ITGAX: variants seen among roughly 807,000 people sequenced by gnomAD.
The protein encoded by ITGAX is integrin subunit alpha X, also known as integrin alpha-X.
A neutral mutation model predicts 140.2 loss-of-function variants in ITGAX; 99 were observed. The ratio of observed to expected loss-of-function variants is 0.71; its 90% CI spans 0.60 to 0.83. The LOEUF is 0.83. Ranked by LOEUF, ITGAX falls within the 40% of genes least tolerant of loss-of-function variation. The probability of loss-of-function intolerance (pLI) is 0.00; values close to 1 mark genes in which losing one functional copy is unlikely to be tolerated. For synonymous variants in ITGAX, 631 were observed against 600.4 expected (o/e 1.05, Z -0.75); for missense variants, 1,444 against 1,482.0 (o/e 0.97, Z 0.42).
Position 31,356,734 on chromosome 16 carries a change from T to A in ITGAX, c.247+6T>A. 6.4e-7 allele frequency: 1 copy of A among 1,567,950 alleles called. No homozygotes were observed. The highest frequency in any genetic ancestry group is 2.3e-5 in the East Asian group (1 of 43,544). On this transcript the variant is annotated splice_donor_region_variant and intron_variant, in intron 3 of 29. Transcript: ENST00000268296. ...TGAGCCCATCGGCCTGCAGGGTGAG[T>A]CACCGCCCCTCCCGGGACCCAGGGC...
chr16:31,380,097 A>C, intron 26 of ITGAX, 32 bp downstream of exon 26: 1 of 1,594,728 alleles, frequency 6.3e-7, no homozygotes, highest in South Asian at 1.1e-5. Context: ...CCCTCACTGT[A>C]GGCCCCACAT....
Position 31,363,068 on chromosome 16 carries a change from C to T in ITGAX, c.1493C>T (p.Pro498Leu). Residue 498 changes from proline (P) to leucine (L), a missense_variant, in exon 13 of 30, where the codon CCC becomes CTC. Pro to Leu is a moderately conservative substitution (Grantham distance 98, BLOSUM62 -3). Coordinates refer to ENST00000268296, the MANE Select transcript of ITGAX (RefSeq NM_000887.5). Reference sequence around the variant, plus strand: ...GGCCAGGTGTCTGTGTGTCCCTTGCCCAGGGGGGTGAGTGGCTGATGGGCC... The same window carrying T: ...GGCCAGGTGTCTGTGTGTCCCTTGCTCAGGGGGGTGAGTGGCTGATGGGCC... ...RGGQVSVCPL[P>L]RGWRRWWCDA... 6.2e-7 allele frequency: 1 copy of T among 1,608,884 alleles called. No homozygotes were observed.
Position 31,382,020 on chromosome 16 carries a change from G to A in ITGAX, c.*113G>A. Reference sequence around the variant, plus strand: ...TGCACCACCGAGAGAGGCTGGGATGGGCCTGCTTCCTGTCTTTGGGAGAAA... The same window carrying A: ...TGCACCACCGAGAGAGGCTGGGATGAGCCTGCTTCCTGTCTTTGGGAGAAA... On this transcript the variant is annotated 3_prime_UTR_variant, in exon 30 of 30. Coordinates refer to ENST00000268296, the MANE Select transcript of ITGAX (RefSeq NM_000887.5). The A allele has an allele frequency of 2.0e-6, 3 of 1,467,256 alleles. No individual in the cohort carries two copies. The highest frequency in any genetic ancestry group is 1.8e-6 in the Non-Finnish European group (2 of 1,113,542). 90.9% of individuals were successfully genotyped at this position (1,467,256 alleles called of 1,614,324 possible).
At chr16:31,380,402 C>G (rs764134736) in intron 27 of ITGAX, 23 bp downstream of exon 27, 6 of 1,612,084 alleles carry the variant, frequency 3.7e-6, no homozygotes, top group Non-Finnish European at 5.1e-6. Flanking sequence ...AACGACAGAG[C>G]CCCTGCCCCA....
rs369310242 is a variant in ITGAX at position 31,363,083 on chromosome 16, G to T, written c.1500+8G>T. ...TGTCCCTTGCCCAGGGGGGTGAGTG[G>T]CTGATGGGCCTGGGGTGGGTGGGGT... is the stretch of plus-strand genomic sequence containing the variant. On this transcript the variant is annotated splice_region_variant and intron_variant, in intron 13 of 29. Coordinates refer to ENST00000268296, the MANE Select transcript of ITGAX (RefSeq NM_000887.5). 1 of 1,606,804 alleles carries T rather than the reference G, an allele frequency of 6.2e-7. No homozygotes were observed. Among genetic ancestry groups the T allele is most frequent in the Non-Finnish European group, 8.5e-7 (1 of 1,177,094 alleles).
At position 31,377,278 on chromosome 16, in the gene ITGAX, C is replaced by T. The variant is rs1193625470; in HGVS notation, c.2789+13C>T. On this transcript the variant is annotated intron_variant, in intron 23 of 29. Coordinates refer to ENST00000268296, the MANE Select transcript of ITGAX (RefSeq NM_000887.5). ...CTGTGGTTAGCAGGTCAGCAGGTAC[C>T]CCACTGCAGGAAAAAGGGTTCTTCT... is the stretch of plus-strand genomic sequence containing the variant. 5 of 1,597,984 alleles carry T rather than the reference C, an allele frequency of 3.1e-6. No individual in the cohort carries two copies. Among genetic ancestry groups the T allele is most frequent in the South Asian group, 2.2e-5 (2 of 89,092 alleles).
chr16:31,360,075 G>C lies in ITGAX; in HGVS notation c.707+10G>C, dbSNP rs1387334025. The C allele has an allele frequency of 3.1e-6, 5 of 1,608,136 alleles. No individual in the cohort carries two copies. Among genetic ancestry groups the C allele is most frequent in the Non-Finnish European group, 4.2e-6 (5 of 1,179,960 alleles). ...CCATCCAAAATGTCGTGTGAGTCCT[G>C]ATTTCTTCCAGGCACAGTCCCAAAG... On this transcript the variant is annotated intron_variant, in intron 7 of 29. Transcript: ENST00000268296.
chr16:31,368,883 G>C (rs2080921087), intron 14 of ITGAX, among the ~76,000 whole-genome samples: 1 of 152,004 alleles, frequency 6.6e-6, no homozygotes, highest in Non-Finnish European at 1.5e-5. Context: ...ATTTAACCCT[G>C]AGTGGACACA....
chr16:31,366,328 G>A lies in ITGAX; in HGVS notation c.1710+2954G>A, dbSNP rs140085762. Among the ~76,000 whole-genome samples, 86 of 152,288 alleles carry A rather than the reference G, an allele frequency of 5.6e-4. No individual in the cohort carries two copies. The Middle Eastern group carries it at 0.01, about 18-fold the overall frequency. ...TTTTGGGGCACCATGAAGCACGTCC[G>A]TATATGAAGGCGAACTTCATAAATG... On this transcript the variant is annotated intron_variant, in intron 14 of 29. Coordinates refer to ENST00000268296, the MANE Select transcript of ITGAX (RefSeq NM_000887.5).
chr16:31,359,947 T>G lies in ITGAX; in HGVS notation c.589T>G (p.Phe197Val). ...QFSLMQFSNK[F>V]QTHFTFEEFR... The stretch of plus-strand genomic sequence containing the variant: ...TTCCCTGATGCAGTTCTCCAACAAA[T>G]TCCAAACACACTTCACTTTCGAGGA... Residue 197 changes from phenylalanine to valine, a missense_variant, in exon 7 of 30, where the codon TTC (phenylalanine) becomes GTC (valine). By Grantham distance (50) the Phe-to-Val change is conservative (BLOSUM62 -1). Transcript: ENST00000268296. The G allele has an allele frequency of 6.2e-7, 1 of 1,614,114 alleles. No homozygotes were observed. Among genetic ancestry groups the G allele is most frequent in the Non-Finnish European group, 8.5e-7 (1 of 1,180,016 alleles).
intron 14 of ITGAX, among the ~76,000 whole-genome samples, chr16:31,365,848 A>G (rs1262835921): frequency 6.6e-6 from 1 of 152,226 alleles, no homozygotes; most frequent in Non-Finnish European, 1.5e-5. Flanking sequence ...GCTTGAACCC[A>G]GGAATCGGAG....
At chr16:31,377,112 C>T (rs779937039) in intron 22 of ITGAX, 33 bp downstream of exon 22, 9 of 1,611,148 alleles carry the variant, frequency 5.6e-6, no homozygotes, top group Middle Eastern at 1.7e-4. Flanking sequence ...CAGTGCCCCT[C>T]ATCTCCAGCC....
At chr16:31,358,920 T>C (rs1231945609) in intron 5 of ITGAX, among the ~76,000 whole-genome samples, 5 of 150,752 alleles carry the variant, frequency 3.3e-5, no homozygotes, top group Non-Finnish European at 5.9e-5. Context: ...TGGGCTCAAG[T>C]GATCCTCCCA....
rs756597129 is a variant in ITGAX, at chr16:31,381,803, G to A, written c.3388G>A (p.Val1130Ile). 2 of 872,178 alleles carry A rather than the reference G, an allele frequency of 2.3e-6. No homozygotes were observed. The highest frequency in any genetic ancestry group is 3.4e-5 in the Admixed American group (2 of 59,120). The allele number at this position is 872,178 out of a possible 1,614,324, so 54.0% of individuals were successfully genotyped here. A position where few individuals can be genotyped will look rare whatever the true frequency, so the allele number is the denominator to read the frequency against. The change falls in exon 30 of 30, where the codon GTT becomes ATT. Residue 1130 changes from valine to isoleucine, a missense_variant and splice_region_variant. Coordinates refer to ENST00000268296, the MANE Select transcript of ITGAX (RefSeq NM_000887.5). ...GTTTCTTCTTCGTCCTCCCCCCTAGGTTGGCTTCTTCAAGCGTCAGTACAA... is the reference window on the plus strand; with the variant it reads ...GTTTCTTCTTCGTCCTCCCCCCTAGATTGGCTTCTTCAAGCGTCAGTACAA... ...LALITAVLYK[V>I]GFFKRQYKEM...
At chr16:31,367,492 T>C (rs181657456) in intron 14 of ITGAX, among the ~76,000 whole-genome samples, 5 of 152,196 alleles carry the variant, frequency 3.3e-5, no homozygotes, top group African/African-American at 7.2e-5. Context: ...TTTGGAAAAT[T>C]CCAGGGCCCT....
intron 14 of ITGAX, among the ~76,000 whole-genome samples, chr16:31,365,795 T>C (rs2080886839): frequency 6.6e-6 from 1 of 152,154 alleles, no homozygotes; most frequent in South Asian, 2.1e-4. Context: ...TAATGGCGCA[T>C]GCCTATAATC....
intron 10 of ITGAX, 50 bp from the exon 11 acceptor site, chr16:31,362,025 C>G (rs1325507491): frequency 6.2e-7 from 1 of 1,613,738 alleles, no homozygotes; most frequent in Admixed American, 1.7e-5. Context: ...CTGGTACATG[C>G]TGTCTTCCTG....
intron 8 of ITGAX, chr16:31,360,689 T>G: frequency 3.7e-6 from 2 of 547,778 alleles, no homozygotes; most frequent in Non-Finnish European, 6.4e-6. Context: ...CTGGCTATTT[T>G]CTTTTTGGTT....
chr16:31,367,659 T>A (rs2142505426), intron 14 of ITGAX, among the ~76,000 whole-genome samples: 1 of 152,362 alleles, frequency 6.6e-6, no homozygotes, highest in South Asian at 2.1e-4. Context: ...GTTTGCTGCT[T>A]ATTGACAGTG....
Sources: allele counts gnomAD v4.1 joint callset (sites outside exome capture counted in the v4.1 genomes callset), GRCh38; gene constraint gnomAD v4.1.1; transcripts MANE v1.5; gene names NCBI Gene and HGNC (gene_info 2026-07-23, HGNC 2026-07-21).